COL24A1: variants seen among roughly 807,000 people sequenced by gnomAD.
COL24A1 encodes collagen type XXIV alpha 1 chain.
In COL24A1, 224 loss-of-function variants were observed where a neutral mutation model predicts 253.9. The observed-to-expected ratio is 0.88, with a 90% CI of 0.79 to 0.99. COL24A1 has a LOEUF of 0.99. COL24A1 is among the 50% of genes least tolerant of loss of function. The pLI is 0.00. For synonymous variants in COL24A1, 685 were observed against 673.7 expected, an observed-to-expected ratio of 1.02 and a Z score of -0.26; for missense variants, 2,131 against 2,068.5, an observed-to-expected ratio of 1.03 and a Z score of -0.59.
At chr1:85,969,742 A>G (rs1372246603) in intron 22 of COL24A1, among the ~76,000 whole-genome samples, 1 of 151,806 alleles carries the variant, frequency 6.6e-6, no homozygotes, top group Non-Finnish European at 1.5e-5. Flanking sequence ...TAATTATTTC[A>G]TAAGGTAAAC....
At chr1:85,967,778 C>T (rs1462683517) in intron 22 of COL24A1, among the ~76,000 whole-genome samples, 1 of 152,128 alleles carries the variant, frequency 6.6e-6, no homozygotes, top group East Asian at 1.9e-4. Context: ...GTTTGCGCTC[C>T]TATGAGAATC....
chr1:85,921,928 T>A (rs536911898), intron 24 of COL24A1, among the ~76,000 whole-genome samples: 5 of 152,296 alleles, frequency 3.3e-5, no homozygotes, highest in East Asian at 1.9e-4. Context: ...GAAAAATGAT[T>A]AGATGAATGG....
In COL24A1 at chr1:85,786,409, G is replaced by A; in HGVS notation, c.4004C>T (p.Pro1335Leu). 6.2e-7 allele frequency: 1 copy of A among 1,613,644 alleles called. No individual in the cohort carries two copies. Among genetic ancestry groups the A allele is most frequent in the South Asian group, 1.1e-5 (1 of 90,996 alleles). ...CAAGCCTGATGAACCCTTTACTCCT[G>A]GAGGACCTGGAGCCCCAGCAAGACC... is the stretch of plus-strand genomic sequence containing the variant. ...RTGLAGAPGP[P>L]GVKGSSGLPG... The change falls in exon 48 of 60, where the codon CCA becomes CTA. Residue 1335 changes from proline (P) to leucine (L), a missense_variant. Pro to Leu is a moderately conservative substitution (Grantham distance 98). Coordinates refer to ENST00000370571, the MANE Select transcript of COL24A1 (RefSeq NM_152890.7).
intron 58 of COL24A1, among the ~76,000 whole-genome samples, chr1:85,735,358 A>G (rs1270306705): frequency 1.3e-5 from 2 of 152,214 alleles, no homozygotes; most frequent in Non-Finnish European, 2.9e-5. Flanking sequence ...TAATTTTCAC[A>G]GTATATAAAG....
chr1:86,056,821 T>C lies in COL24A1; in HGVS notation c.1851+1110A>G, dbSNP rs139198990. 6.8e-3 allele frequency among the ~76,000 whole-genome samples: 1,017 copies of C among 149,528 alleles called. 17 individuals are homozygous for C. Among genetic ancestry groups the C allele is most frequent in the African/African-American group, 0.024 (974 of 40,586 alleles). On this transcript the variant is annotated intron_variant, in intron 10 of 59. Coordinates refer to ENST00000370571, the MANE Select transcript of COL24A1 (RefSeq NM_152890.7). ...GTGAGCCTAGACTGTGCCATTGCAC[T>C]CCAGCCTGGGCAACAGAGTAAGACT...
At chr1:85,849,932 T>A (rs1677569560) in intron 37 of COL24A1, among the ~76,000 whole-genome samples, 1 of 151,990 alleles carries the variant, frequency 6.6e-6, no homozygotes, top group Non-Finnish European at 1.5e-5. Flanking sequence ...CAAGGAAAAT[T>A]TCAATGTGTC....
intron 35 of COL24A1, 138 bp downstream of exon 35, chr1:85,874,511 T>C (rs1001913636): frequency 1.3e-6 from 1 of 767,760 alleles, no homozygotes; most frequent in Middle Eastern, 4.0e-4. Context: ...CTTTTGAAAG[T>C]ATGAAATGAA....
chr1:86,037,194 T>C (rs1275533860), intron 12 of COL24A1, among the ~76,000 whole-genome samples: 7 of 152,230 alleles, frequency 4.6e-5, no homozygotes, highest in African/African-American at 1.7e-4. Flanking sequence ...GTGATCAGTG[T>C]GGTGGACAGT....
intron 2 of COL24A1, among the ~76,000 whole-genome samples, chr1:86,132,082 C>G (rs1186672603): frequency 2.0e-5 from 3 of 152,090 alleles, no homozygotes; most frequent in Non-Finnish European, 4.4e-5. Flanking sequence ...TGGTGTTTCA[C>G]TGTGATTTTG....
chr1:85,830,479 A>G (rs1332494247), intron 43 of COL24A1, among the ~76,000 whole-genome samples: 1 of 151,926 alleles, frequency 6.6e-6, no homozygotes, highest in Non-Finnish European at 1.5e-5. Context: ...TGCTTTGTTT[A>G]CCTAAGTGAG....
chr1:86,156,297 G>C (rs1215337132), intron 1 of COL24A1, 44 bp downstream of exon 1: 1 of 1,564,204 alleles, frequency 6.4e-7, no homozygotes, highest in Admixed American at 1.8e-5. Flanking sequence ...GTGGAGAGAG[G>C]GGTTGGTCTA....
chr1:85,973,877 T>C (rs375200380), intron 20 of COL24A1, among the ~76,000 whole-genome samples: 1 of 152,158 alleles, frequency 6.6e-6, no homozygotes, highest in African/African-American at 2.4e-5. Context: ...ATGCCATTTA[T>C]AAGAAACACA....
At chr1:85,797,770 T>C (rs1670990988) in intron 47 of COL24A1, among the ~76,000 whole-genome samples, 1 of 152,342 alleles carries the variant, frequency 6.6e-6, no homozygotes, top group East Asian at 1.9e-4. Context: ...GTGCCTGGGA[T>C]ACAGTAAGCG....
intron 37 of COL24A1, among the ~76,000 whole-genome samples, chr1:85,864,456 G>A (rs889260543): frequency 1.3e-5 from 2 of 151,942 alleles, no homozygotes; most frequent in African/African-American, 4.8e-5. Flanking sequence ...ACTAGTTAAT[G>A]GGTGCAGCAC....
At chr1:85,936,516 G>C (rs190997301) in intron 24 of COL24A1, among the ~76,000 whole-genome samples, 2 of 147,008 alleles carry the variant, frequency 1.4e-5, no homozygotes, top group Non-Finnish European at 3.0e-5. Flanking sequence ...ACAGGTATTT[G>C]ATCAAGAGAA....
In COL24A1 at chr1:85,971,381, T is replaced by G. The variant is rs748162231; in HGVS notation, c.2377A>C (p.Asn793His). The G allele has an allele frequency of 3.7e-6, 6 of 1,611,808 alleles. No homozygotes were observed. Among genetic ancestry groups the G allele is most frequent in the South Asian group, 3.3e-5 (3 of 90,750 alleles). The change falls in exon 21 of 60, where the codon AAT (asparagine) becomes CAT (histidine). Residue 793 changes from asparagine to histidine, a missense_variant. Physicochemically the swap from Asn to His is moderately conservative, Grantham distance 68. Transcript: ENST00000370571. The part of the protein sequence containing the change: ...GPEGPKGLLG[N>H]RGPPGPPGLK... ...CCAGGAGGTCCAGGAGGTCCTCTAT[T>G]TCCAAGGAGTCCCTATAAAAGCAAT...
chr1:86,021,136 G>C (rs969442512), intron 18 of COL24A1, among the ~76,000 whole-genome samples: 3 of 152,142 alleles, frequency 2.0e-5, no homozygotes, highest in Non-Finnish European at 2.9e-5. Context: ...TCCTGAGATG[G>C]AAGGGTAGAG....
At chr1:85,960,331 T>C (rs1690902791) in intron 24 of COL24A1, among the ~76,000 whole-genome samples, 2 of 152,212 alleles carry the variant, frequency 1.3e-5, no homozygotes, top group African/African-American at 4.8e-5. Flanking sequence ...ATGTATGTTA[T>C]GTAAGTTCAT....
chr1:85,797,075 T>C (rs903466671), intron 47 of COL24A1, among the ~76,000 whole-genome samples: 14 of 150,348 alleles, frequency 9.3e-5, no homozygotes, highest in African/African-American at 2.7e-4. Context: ...GGCATGGTGG[T>C]GGGCGCCTGT....
Sources: gnomAD v4.1 joint callset for allele counts (sites outside exome capture counted in the v4.1 genomes callset) on GRCh38, gnomAD v4.1.1 for gene constraint, MANE v1.5 for transcripts, NCBI Gene and HGNC (gene_info 2026-07-23, HGNC 2026-07-21) for gene names.